Variants in RTN4 observed in about 807,000 individuals in gnomAD.
The protein encoded by RTN4 is reticulon 4.
RTN4 carries 32 observed loss-of-function variants against 90.4 expected under a neutral mutation model. That is an observed-to-expected ratio of 0.35 (90% CI 0.27 to 0.48). The LOEUF (loss-of-function observed/expected upper bound fraction) is 0.48. Among genes scored for constraint, RTN4 ranks in the 20% least tolerant of loss-of-function variants. The pLI, the probability that RTN4 is intolerant of heterozygous loss-of-function variation, is 0.99. For missense variants in RTN4, 1,706 were observed against 1,430.2 expected (o/e 1.19, Z -3.11); for synonymous variants, 629 against 552.5 (o/e 1.14, Z -1.94).
chr2:55,092,689 C>A (rs1478441303), intron 1 of RTN4, among the ~76,000 whole-genome samples: 2 of 152,232 alleles, frequency 1.3e-5, no homozygotes, highest in African/African-American at 4.8e-5. Flanking sequence ...TGGTAAAAGC[C>A]TCACTCATTA....
chr2:54,997,532 A>C lies in RTN4; in HGVS notation c.3014-9834T>G, dbSNP rs75827716. On this transcript the variant is annotated intron_variant, in intron 3 of 8. Transcript: ENST00000337526. ...TTTCACCCAAGAAACTAGAAAACACAAAAACTTAACACACAAATGTTCATA... is the reference window on the plus strand; with the variant it reads ...TTTCACCCAAGAAACTAGAAAACACCAAAACTTAACACACAAATGTTCATA... 3.4e-3 allele frequency among the ~76,000 whole-genome samples: 519 copies of C among 152,316 alleles called. 11 individuals carry two copies. In the East Asian group the frequency reaches 0.046, roughly 13 times the overall value.
intron 2 of RTN4, among the ~76,000 whole-genome samples, chr2:55,067,268 A>G (rs1668410354): frequency 6.6e-6 from 1 of 152,188 alleles, no homozygotes; most frequent in African/African-American, 2.4e-5. Context: ...AGGATTGCTC[A>G]AAGGATTAAA....
At chr2:55,130,669 T>C in the RTN4 span, among the ~76,000 whole-genome samples, 1 of 152,214 alleles carries the variant, frequency 6.6e-6, no homozygotes, top group Non-Finnish European at 1.5e-5. Flanking sequence ...GAGGATCTCT[T>C]GAACCCAAGA....
chr2:55,065,641 C>T (rs1296386201), intron 2 of RTN4, among the ~76,000 whole-genome samples: 2 of 152,046 alleles, frequency 1.3e-5, no homozygotes, highest in South Asian at 2.1e-4. Flanking sequence ...AGAGAACCCA[C>T]GTTGAACAAA....
chr2:55,070,217 T>A (rs2920879), intron 2 of RTN4, among the ~76,000 whole-genome samples: 1 of 151,648 alleles, frequency 6.6e-6, no homozygotes, highest in East Asian at 1.9e-4. Context: ...ACTCACTAGA[T>A]GCCAGTAATA....
At chr2:55,036,323 C>T (rs1205711559) in intron 1 of RTN4, among the ~76,000 whole-genome samples, 10 of 151,974 alleles carry the variant, frequency 6.6e-5, no homozygotes, top group African/African-American at 1.2e-4. Context: ...AACAATAGGT[C>T]GCACGCAGTG....
intron 7 of RTN4, 52 bp downstream of exon 7, chr2:54,973,769 T>C (rs1677353870): frequency 2.6e-6 from 4 of 1,550,888 alleles, no homozygotes; most frequent in South Asian, 1.1e-5. Context: ...GTAAATCCCA[T>C]GTAATAGAGT....
intron 1 of RTN4, among the ~76,000 whole-genome samples, chr2:55,042,723 T>G (rs1455315155): frequency 1.3e-5 from 2 of 152,180 alleles, no homozygotes; most frequent in South Asian, 2.1e-4. Context: ...ATTCTAGAAC[T>G]ATACAGAATA....
chr2:55,089,348 A>C (rs918710652), intron 1 of RTN4, among the ~76,000 whole-genome samples: 27 of 152,190 alleles, frequency 1.8e-4, no homozygotes, highest in Admixed American at 2.0e-4. Flanking sequence ...TGTGGTAGCA[A>C]GATTCCTCCC....
chr2:55,010,222 T>C, intron 3 of RTN4: 1 of 1,586,868 alleles, frequency 6.3e-7, no homozygotes, highest in Non-Finnish European at 8.5e-7. Context: ...AAATACCCGT[T>C]TCCTCAACCG....
At chr2:55,097,140 G>T (rs1434606169) in intron 1 of RTN4, among the ~76,000 whole-genome samples, 1 of 150,970 alleles carries the variant, frequency 6.6e-6, no homozygotes, top group Non-Finnish European at 1.5e-5. Flanking sequence ...CACGAACTAA[G>T]GCATGGCCAC....
At chr2:55,075,047 T>G (rs116401231) in intron 2 of RTN4, among the ~76,000 whole-genome samples, 3,689 of 152,272 alleles carry the variant, frequency 0.024, 78 homozygotes, top group South Asian at 0.037. Context: ...TCACCACTTG[T>G]GTTCAACATA....
At chr2:55,104,212 G>A (rs1437562492) in intron 1 of RTN4, among the ~76,000 whole-genome samples, 1 of 149,700 alleles carries the variant, frequency 6.7e-6, no homozygotes, top group African/African-American at 2.5e-5. Flanking sequence ...CACCACACAC[G>A]GCTAATCTTT....
At chr2:55,073,420 C>T (rs150183030) in intron 2 of RTN4, among the ~76,000 whole-genome samples, 71 of 152,210 alleles carry the variant, frequency 4.7e-4, no homozygotes, top group African/African-American at 1.5e-3. Flanking sequence ...TTAGAAGAAA[C>T]GGTAGCAGTA....
intron 2 of RTN4, among the ~76,000 whole-genome samples, chr2:55,059,816 G>A (rs778769408): frequency 1.3e-5 from 2 of 151,780 alleles, no homozygotes; most frequent in Non-Finnish European, 2.9e-5. Context: ...CCTGGGCAAC[G>A]GAGTGAGACT....
At chr2:55,066,616 C>G (rs560978105) in intron 2 of RTN4, among the ~76,000 whole-genome samples, 2 of 152,148 alleles carry the variant, frequency 1.3e-5, no homozygotes, top group East Asian at 3.9e-4. Flanking sequence ...GTCGCTTGAA[C>G]CCGGGAAGCG....
intron 2 of RTN4, among the ~76,000 whole-genome samples, chr2:55,074,528 A>G (rs995721897): frequency 6.6e-6 from 1 of 151,692 alleles, no homozygotes; most frequent in South Asian, 2.1e-4. Flanking sequence ...AAAAAAAAAA[A>G]AAAAAAAAGA....
chr2:55,059,505 C>A lies in RTN4; in HGVS notation c.-63+20984G>T, dbSNP rs144595608. ...AGTAGATGGGACTACAAGTACGCAC[C>A]ACCACACCTGGCTAATTTTTGTATA... On this transcript the variant is annotated intron_variant, in intron 2 of 3. Transcript: ENST00000427710. Among the ~76,000 whole-genome samples the A allele has an allele frequency of 5.0e-3, 759 of 152,090 alleles. 5 individuals are homozygous for A. Among genetic ancestry groups the A allele is most frequent in the African/African-American group, 0.018 (729 of 41,484 alleles).
intron 3 of RTN4, among the ~76,000 whole-genome samples, chr2:54,991,261 T>A (rs749868960): frequency 3.9e-5 from 6 of 152,210 alleles, no homozygotes; most frequent in Non-Finnish European, 8.8e-5. Context: ...ATGAAATCAA[T>A]GACTTTAGAT....
Sources: allele counts gnomAD v4.1 joint callset (sites outside exome capture counted in the v4.1 genomes callset), GRCh38; gene constraint gnomAD v4.1.1; transcripts MANE v1.5; gene names NCBI Gene and HGNC (gene_info 2026-07-23, HGNC 2026-07-21).